STOM: variants seen among roughly 807,000 people sequenced by gnomAD.
The protein encoded by STOM is stomatin, also known as erythrocyte band 7 integral membrane protein.
In STOM, 25 loss-of-function variants were observed where a neutral mutation model predicts 30.6. The observed-to-expected ratio is 0.82, with a 90% CI of 0.60 to 1.14. The LOEUF is 1.14. Ranked by LOEUF, STOM falls within the 50% of genes most tolerant of loss-of-function variation. STOM has a pLI of 0.00. For missense variants in STOM, 292 were observed against 365.2 expected (o/e 0.80, Z 1.63); for synonymous variants, 118 against 130.8 (o/e 0.90, Z 0.67).
intron 1 of STOM, chr9:121,366,012 G>A: frequency 1.6e-6 from 1 of 624,226 alleles, no homozygotes; most frequent in Non-Finnish European, 2.0e-6. Context: ...AAATGTTCTT[G>A]GACCATCCTT....
chr9:121,349,537 C>T (rs1185728345), intron 4 of STOM, among the ~76,000 whole-genome samples: 2 of 152,114 alleles, frequency 1.3e-5, no homozygotes, highest in African/African-American at 4.8e-5. Context: ...TATCACTCAA[C>T]AGCAGGCACT....
intron 2 of STOM, among the ~76,000 whole-genome samples, chr9:121,355,331 T>C (rs1223560473): frequency 6.8e-6 from 1 of 148,092 alleles, no homozygotes; most frequent in Non-Finnish European, 1.5e-5. Context: ...GAGGTTGCAG[T>C]GAGCCGAGAT....
chr9:121,345,676 C>T lies in STOM; in HGVS notation c.660+2339G>A, dbSNP rs146843797. 8.7e-4 allele frequency among the ~76,000 whole-genome samples: 132 copies of T among 152,274 alleles called. 1 individual carries two copies. The highest frequency in any genetic ancestry group is 3.1e-3 in the African/African-American group (128 of 41,536). On this transcript the variant is annotated intron_variant, in intron 6 of 6. Transcript: ENST00000286713. ...TGCTTCTAGACTAACCCTACAGCCCCGTCCAAGTGGGAGCATGGCAATTCA... is the reference window on the plus strand; with the variant it reads ...TGCTTCTAGACTAACCCTACAGCCCTGTCCAAGTGGGAGCATGGCAATTCA...
chr9:121,356,039 G>T lies in STOM; in HGVS notation c.165+14C>A, dbSNP rs1244784840. 6.2e-6 allele frequency: 10 copies of T among 1,610,026 alleles called. No individual in the cohort carries two copies. Among genetic ancestry groups the T allele is most frequent in the Non-Finnish European group, 7.6e-6 (9 of 1,176,654 alleles). ...AGTTGACCCCTTCCCAGAAGTGAAT[G>T]AAATGTTCTTTACCTTTATGCACAT... On this transcript the variant is annotated intron_variant, in intron 2 of 6. Transcript: ENST00000286713.
chr9:121,364,559 A>T (rs2064485182), intron 1 of STOM, among the ~76,000 whole-genome samples: 1 of 152,240 alleles, frequency 6.6e-6, no homozygotes, highest in African/African-American at 2.4e-5. Flanking sequence ...ACTGTGAAAT[A>T]CTAAGGAAAA....
intron 1 of STOM, among the ~76,000 whole-genome samples, chr9:121,365,110 T>A (rs778097519): frequency 6.6e-6 from 1 of 152,018 alleles, no homozygotes; most frequent in Admixed American, 6.6e-5. Flanking sequence ...AGTTGCTGGA[T>A]GAGTTGAGTG....
rs113654432 is a variant in STOM, at chr9:121,340,422, C to T, written c.*780G>A. ...GGTCTGGATTTAGAAAATAAATGAACATTAGGGAAATTTCCTTAATTAAGA... is the reference window on the plus strand; with the variant it reads ...GGTCTGGATTTAGAAAATAAATGAATATTAGGGAAATTTCCTTAATTAAGA... On this transcript the variant is annotated 3_prime_UTR_variant, in exon 7 of 7. Transcript: ENST00000286713. 47 of 985,306 alleles carry T rather than the reference C, an allele frequency of 4.8e-5. No individual in the cohort carries two copies. In the African/African-American group the frequency reaches 6.1e-4, roughly 13 times the overall value. 61.0% of individuals were successfully genotyped at this position (985,306 alleles called of 1,614,324 possible).
intron 6 of STOM, among the ~76,000 whole-genome samples, chr9:121,347,808 G>A (rs1393329320): frequency 2.6e-5 from 4 of 152,124 alleles, no homozygotes; most frequent in Non-Finnish European, 4.4e-5. Flanking sequence ...CCAAAAACCT[G>A]GTCAAATAAA....
At position 121,360,124 on chromosome 9, in the gene STOM, T is replaced by C. The variant is rs565626504; in HGVS notation, c.62-3968A>G. Among the ~76,000 whole-genome samples the C allele has an allele frequency of 5.3e-5, 8 of 152,344 alleles. No individual in the cohort carries two copies. In the South Asian group the frequency reaches 1.7e-3, roughly 32 times the overall value. ...GGCAGGGATGTTGCTTATTCACTTT[T>C]ATATTCTCAATGTCTAGCACAGTAT... On this transcript the variant is annotated intron_variant, in intron 1 of 6. Coordinates refer to ENST00000286713, the MANE Select transcript of STOM (RefSeq NM_004099.6).
In STOM at chr9:121,356,117, A is replaced by G; in HGVS notation, c.101T>C (p.Leu34Ser). 1 of 1,614,198 alleles carries G rather than the reference A, an allele frequency of 6.2e-7. No individual in the cohort carries two copies. Among genetic ancestry groups the G allele is most frequent in the African/African-American group, 1.3e-5 (1 of 75,070 alleles). The part of the protein sequence containing the change: ...SKGLGPCGWI[L>S]VAFSFLFTVI... ...GGTGAATAAGAATGAGAACGCCACC[A>G]AAATCCATCCGCAAGGTCCAAGGCC... Residue 34 changes from leucine (L) to serine (S), a missense_variant, in exon 2 of 7, where the codon TTG becomes TCG. Coordinates refer to ENST00000286713, the MANE Select transcript of STOM (RefSeq NM_004099.6).
rs181510823 is a variant in STOM, at chr9:121,339,658, G to C, written c.*1544C>G. The C allele has an allele frequency of 8.1e-7, 1 of 1,231,402 alleles. No individual in the cohort carries two copies. The highest frequency in any genetic ancestry group is 1.6e-5 in the African/African-American group (1 of 64,400). 76.3% of individuals were successfully genotyped at this position (1,231,402 alleles called of 1,614,324 possible). A position where few individuals can be genotyped will look rare whatever the true frequency, so the allele number is the denominator to read the frequency against. Reference sequence around the variant, plus strand: ...AGAGGAAATGTTACAAATGTCACCCGCCAGCTTTCTGGCCAGTAAGCAGAA... The same window carrying C: ...AGAGGAAATGTTACAAATGTCACCCCCCAGCTTTCTGGCCAGTAAGCAGAA... On this transcript the variant is annotated 3_prime_UTR_variant, in exon 7 of 7. Coordinates refer to ENST00000286713, the MANE Select transcript of STOM (RefSeq NM_004099.6).
rs948950729 is a variant in STOM, at chr9:121,341,215, C to G, written c.854G>C (p.Ser285Thr). 1 of 1,614,158 alleles carries G rather than the reference C, an allele frequency of 6.2e-7. No individual in the cohort carries two copies. The highest frequency in any genetic ancestry group is 8.5e-7 in the Non-Finnish European group (1 of 1,180,038). ...MLQGIIGAKH[S>T]HLG Reference sequence around the variant, plus strand: ...CTCATCTCTACACTAGCCTAGATGGCTGTGTTTTGCCCCTATGATTCCTTG... The same window carrying G: ...CTCATCTCTACACTAGCCTAGATGGGTGTGTTTTGCCCCTATGATTCCTTG... The change falls in exon 7 of 7, where the codon AGC (serine) becomes ACC (threonine). Residue 285 changes from serine to threonine, a missense_variant. Ser to Thr is a moderately conservative substitution (Grantham distance 58). Transcript: ENST00000286713.
chr9:121,340,711 T>C lies in STOM; in HGVS notation c.*491A>G. ...GTTGCAGTGAGCCGAGATCATGCTA[T>C]TGCACTCCAGCCTGGGCAACAAGAG... On this transcript the variant is annotated 3_prime_UTR_variant, in exon 7 of 7. Coordinates refer to ENST00000286713, the MANE Select transcript of STOM (RefSeq NM_004099.6). 1.0e-6 allele frequency: 1 copy of C among 979,368 alleles called. No individual in the cohort carries two copies. The highest frequency in any genetic ancestry group is 1.2e-6 in the Non-Finnish European group (1 of 821,618). The allele number at this position is 979,368 out of a possible 1,614,324, so 60.7% of individuals were successfully genotyped here. A position where few individuals can be genotyped will look rare whatever the true frequency, so the allele number is the denominator to read the frequency against.
At chr9:121,347,369 G>A (rs1401210492) in intron 6 of STOM, among the ~76,000 whole-genome samples, 1 of 152,140 alleles carries the variant, frequency 6.6e-6, no homozygotes, top group African/African-American at 2.4e-5. Context: ...TTTCCTCAGT[G>A]CCTCCCAGAG....
rs2064242630 is a variant in STOM, at chr9:121,341,140, A to G, written c.*62T>C. ...AAAAGAAAAGCCCTACCCTCTCTTT[A>G]TGAGTTAAAGGCTAATTTGGTCCCC... On this transcript the variant is annotated 3_prime_UTR_variant, in exon 7 of 7. Coordinates refer to ENST00000286713, the MANE Select transcript of STOM (RefSeq NM_004099.6). 1 of 1,608,068 alleles carries G rather than the reference A, an allele frequency of 6.2e-7. No individual in the cohort carries two copies. The highest frequency in any genetic ancestry group is 1.7e-5 in the Admixed American group (1 of 59,800).
chr9:121,349,230 C>T lies in STOM; in HGVS notation c.415G>A (p.Ala139Thr), dbSNP rs1054955040. 5.6e-6 allele frequency: 9 copies of T among 1,614,002 alleles called. No homozygotes were observed. The highest frequency in any genetic ancestry group is 7.6e-6 in the Non-Finnish European group (9 of 1,180,032). Residue 139 changes from alanine (A) to threonine (T), a missense_variant, in exon 5 of 7, where the codon GCT (alanine) becomes ACT (threonine). Coordinates refer to ENST00000286713, the MANE Select transcript of STOM (RefSeq NM_004099.6). ...GCCAAAAGACGGGTTGCTGAGTCAGCGTTGGTGATATTTGCCACAGCCAGG... is the reference window on the plus strand; with the variant it reads ...GCCAAAAGACGGGTTGCTGAGTCAGTGTTGGTGATATTTGCCACAGCCAGG... ...ATLAVANITNADSATRLLAQT... is the reference protein window; with the variant it reads ...ATLAVANITNTDSATRLLAQT...
Position 121,348,022 on chromosome 9 carries a change from C to CG in STOM, c.652dup (p.Arg218ProfsTer26), listed in dbSNP as rs747807043. 6 of 1,611,806 alleles carry CG rather than the reference C, an allele frequency of 3.7e-6. No homozygotes were observed. Among genetic ancestry groups the CG allele is most frequent in the Non-Finnish European group, 5.1e-6 (6 of 1,178,880 alleles). Reference sequence around the variant, plus strand: ...GTTTAAAAAAAAAGTTACCTTGGCGCGGGCCTCGCGGGACGCTTCTGCTTC... The same window carrying CG: ...GTTTAAAAAAAAAGTTACCTTGGCGCGGGGCCTCGCGGGACGCTTCTGCTTC... On this transcript the variant is annotated frameshift_variant, in exon 6 of 7. Transcript: ENST00000286713. LOFTEE classifies it high-confidence loss of function.
chr9:121,357,586 C>T (rs533159410), intron 1 of STOM, among the ~76,000 whole-genome samples: 2 of 151,740 alleles, frequency 1.3e-5, no homozygotes, highest in East Asian at 3.9e-4. Context: ...ATTACAGCCA[C>T]CTGCCACCAC....
intron 1 of STOM, among the ~76,000 whole-genome samples, chr9:121,357,876 T>G (rs554518475): frequency 1.3e-5 from 2 of 152,058 alleles, no homozygotes; most frequent in Non-Finnish European, 2.9e-5. Context: ...TGCATAAAGT[T>G]TAAAAAGTCA....
Sources: gnomAD v4.1 joint callset for allele counts (sites outside exome capture counted in the v4.1 genomes callset) on GRCh38, gnomAD v4.1.1 for gene constraint, MANE v1.5 for transcripts, NCBI Gene and HGNC (gene_info 2026-07-23, HGNC 2026-07-21) for gene names.